The following SVOP variants were observed in gnomAD, a reference collection of about 807,000 sequenced individuals.
SVOP encodes the protein synaptic vesicle 2-related protein.
SVOP carries 17 observed loss-of-function variants against 69.1 expected under a neutral mutation model. That is an observed-to-expected ratio of 0.25 (90% CI 0.17 to 0.37). The LOEUF is 0.37. SVOP is among the 10% of genes least tolerant of loss of function. The pLI, the probability that SVOP is intolerant of heterozygous loss-of-function variation, is 1.00. For missense variants in SVOP, 435 were observed against 597.5 expected, an observed-to-expected ratio of 0.73 and a Z score of 2.84; for synonymous variants, 238 against 238.6, an observed-to-expected ratio of 1.00 and a Z score of 0.02.
intron 12 of SVOP, among the ~76,000 whole-genome samples, chr12:108,920,390 G>C (rs1440917419): frequency 3.3e-5 from 5 of 152,116 alleles, no homozygotes; most frequent in African/African-American, 1.2e-4. Flanking sequence ...TGAATCCAGG[G>C]AACAGGATGT....
intron 11 of SVOP, among the ~76,000 whole-genome samples, chr12:108,927,907 CT>C (rs112012603): frequency 0.016 from 2,198 of 135,418 alleles, 46 homozygotes; most frequent in African/African-American, 0.047. Context: ...ACAAAAAACT[CT>C]TTTTTTTTTT....
intron 1 of SVOP, among the ~76,000 whole-genome samples, chr12:109,018,585 G>A (rs150612026): frequency 1.3e-5 from 2 of 152,168 alleles, no homozygotes; most frequent in East Asian, 1.9e-4. Flanking sequence ...CATAATATAC[G>A]AAGGGTGTGG....
intron 1 of SVOP, among the ~76,000 whole-genome samples, chr12:109,009,307 C>G (rs913505287): frequency 1.3e-5 from 2 of 152,052 alleles, no homozygotes; most frequent in Admixed American, 1.3e-4. Flanking sequence ...AACAACCATA[C>G]AGAGGGGACC....
chr12:108,949,531 A>C (rs2039943177), intron 6 of SVOP, among the ~76,000 whole-genome samples: 1 of 151,954 alleles, frequency 6.6e-6, no homozygotes, highest in South Asian at 2.1e-4. Context: ...CAGCCTCCCA[A>C]AGTGCTGGGA....
intron 1 of SVOP, among the ~76,000 whole-genome samples, chr12:108,989,748 A>G (rs2040188720): frequency 6.6e-6 from 1 of 152,216 alleles, no homozygotes; most frequent in Non-Finnish European, 1.5e-5. Context: ...AGCACCAACC[A>G]TATCTGCTAC....
intron 1 of SVOP, among the ~76,000 whole-genome samples, chr12:108,993,844 A>G (rs958413230): frequency 6.6e-6 from 1 of 152,162 alleles, no homozygotes; most frequent in African/African-American, 2.4e-5. Context: ...GGACACATAG[A>G]GAAATATCCC....
chr12:109,019,043 A>G (rs970439630), intron 1 of SVOP, among the ~76,000 whole-genome samples: 2 of 152,206 alleles, frequency 1.3e-5, no homozygotes, highest in East Asian at 3.8e-4. Flanking sequence ...GAGATAATGT[A>G]CTTAACCAGT....
At chr12:109,014,099 T>C (rs1428176942) in intron 1 of SVOP, among the ~76,000 whole-genome samples, 1 of 148,548 alleles carries the variant, frequency 6.7e-6, no homozygotes, top group Non-Finnish European at 1.5e-5. Flanking sequence ...CATTGGGACC[T>C]CCATCTCCTA....
chr12:108,995,273 A>G (rs919159488), intron 1 of SVOP, among the ~76,000 whole-genome samples: 1 of 152,260 alleles, frequency 6.6e-6, no homozygotes, highest in Admixed American at 6.5e-5. Context: ...TAAATGGATA[A>G]ACAAAATGTG....
At chr12:108,985,995 C>T (rs2040163834) in intron 1 of SVOP, among the ~76,000 whole-genome samples, 1 of 152,162 alleles carries the variant, frequency 6.6e-6, no homozygotes, top group Non-Finnish European at 1.5e-5. Flanking sequence ...CACTCCTTGG[C>T]AAGGCTGGGC....
At chr12:108,914,972 A>G (rs560437965) in intron 15 of SVOP, among the ~76,000 whole-genome samples, 85 of 151,646 alleles carry the variant, frequency 5.6e-4, no homozygotes, top group African/African-American at 1.9e-3. Flanking sequence ...CAAGAGATCG[A>G]GACCATCCTG....
rs145408652 is a variant in SVOP, at chr12:109,008,381, A to T, written c.35+12453T>A. Among the ~76,000 whole-genome samples, 327 of 152,204 alleles carry T rather than the reference A, an allele frequency of 2.1e-3. 1 individual carries two copies. Among genetic ancestry groups the T allele is most frequent in the African/African-American group, 7.4e-3 (306 of 41,536 alleles). ...TGCCTGCCTGCTCTGAACTGGGGAG[A>T]TGGGGTGTGAGGGGTTGGATGTGAT... On this transcript the variant is annotated intron_variant, in intron 1 of 15. Transcript: ENST00000610966.
At chr12:108,928,557 C>T (rs10778668) in intron 11 of SVOP, among the ~76,000 whole-genome samples, 74,243 of 149,750 alleles carry the variant, frequency 0.5, 20,181 homozygotes, top group East Asian at 0.64. Context: ...AAAACCCAGA[C>T]GGATTTTCTG....
intron 5 of SVOP, among the ~76,000 whole-genome samples, chr12:108,968,744 T>TTGTGTATGTGTG (rs2040060975): frequency 6.7e-6 from 1 of 149,660 alleles, no homozygotes; most frequent in Non-Finnish European, 1.5e-5. Context: ...TGTTTGTCTT[T>TTGTGTATGTGTG]TGTGTGTGTG....
At chr12:108,917,289 C>T (rs2039719870) in intron 14 of SVOP, among the ~76,000 whole-genome samples, 1 of 152,180 alleles carries the variant, frequency 6.6e-6, no homozygotes, top group Non-Finnish European at 1.5e-5. Context: ...TATCTTCATT[C>T]ACTTACTTAT....
At chr12:108,977,340 AGGACACCC>A in intron 4 of SVOP, 50 bp downstream of exon 4, 1 of 1,514,868 alleles carries the variant, frequency 6.6e-7, no homozygotes, top group African/African-American at 1.4e-5. Flanking sequence ...GATATCCCAC[AGGACACCC>A]CAGGGGAGCA....
chr12:109,003,644 T>A (rs1320004196), intron 1 of SVOP, among the ~76,000 whole-genome samples: 2 of 152,186 alleles, frequency 1.3e-5, no homozygotes, highest in Non-Finnish European at 2.9e-5. Context: ...GGTCTTGCTC[T>A]GTCACCAAGG....
chr12:108,941,192 C>T (rs1296291052), intron 7 of SVOP, among the ~76,000 whole-genome samples: 2 of 152,132 alleles, frequency 1.3e-5, no homozygotes, highest in Non-Finnish European at 2.9e-5. Flanking sequence ...ACCAATATTA[C>T]GTGATGTCAA....
intron 4 of SVOP, among the ~76,000 whole-genome samples, chr12:108,977,166 C>T (rs1477842085): frequency 6.6e-6 from 1 of 152,214 alleles, no homozygotes; most frequent in Non-Finnish European, 1.5e-5. Context: ...TTTCAAGCTC[C>T]CAGCAACAGA....
Sources: gnomAD v4.1 joint callset for allele counts (sites outside exome capture counted in the v4.1 genomes callset) on GRCh38, gnomAD v4.1.1 for gene constraint, MANE v1.5 for transcripts, NCBI Gene and HGNC (gene_info 2026-07-23, HGNC 2026-07-21) for gene names.